Variants in LY6H observed in about 807,000 individuals in gnomAD.
LY6H encodes the protein lymphocyte antigen 6 family member H.
In LY6H, 8 loss-of-function variants were observed where a neutral mutation model predicts 14.6. The observed-to-expected ratio is 0.55, with a 90% CI of 0.32 to 0.99. LY6H has a LOEUF of 0.99. Among genes scored for constraint, LY6H ranks in the 50% least tolerant of loss-of-function variants. The pLI is 0.04. For missense variants in LY6H, 196 were observed against 219.6 expected, an observed-to-expected ratio of 0.89 and a Z score of 0.68; for synonymous variants, 115 against 97.2, an observed-to-expected ratio of 1.18 and a Z score of -1.08.
intron 3 of LY6H, 29 bp downstream of exon 3, chr8:143,158,774 A>G (rs1586673439): frequency 6.4e-7 from 1 of 1,559,690 alleles, no homozygotes; most frequent in South Asian, 1.2e-5. Flanking sequence ...CTTTTAGCAC[A>G]TTCCCCACCA....
Position 143,158,894 on chromosome 8 carries a change from G to A in LY6H, c.159C>T (p.Thr53=). The part of the protein sequence containing the change: ...PAHGLWCQDC[T]LTTNSSHCTP... ...TGCAATGGCTGGAGTTGGTGGTCAG[G>A]GTGCAGTCCTGGCACCACAGGCCAT... The change falls in exon 3 of 4, where the codon ACC becomes ACT. Residue 53 remains threonine (T), a synonymous_variant. Coordinates refer to ENST00000342752, the MANE Select transcript of LY6H (RefSeq NM_001135655.2). The A allele has an allele frequency of 6.2e-7, 1 of 1,613,644 alleles. No homozygotes were observed. Among genetic ancestry groups the A allele is most frequent in the Non-Finnish European group, 8.5e-7 (1 of 1,179,772 alleles).
rs763425167 is a variant in LY6H at position 143,160,151 on chromosome 8, C to T, written c.2+47G>A. The stretch of plus-strand genomic sequence containing the variant: ...TCCGCGCGCGCCTCGGCGCTCACCG[C>T]GGATGGGGCGTGGAGCGCGGGCCTC... On this transcript the variant is annotated intron_variant, in intron 1 of 3. Transcript: ENST00000342752. The T allele has an allele frequency of 9.5e-5, 120 of 1,266,636 alleles. No homozygotes were observed. The African/African-American group carries it at 1.7e-3, about 18-fold the overall frequency. 78.5% of individuals were successfully genotyped at this position (1,266,636 alleles called of 1,614,324 possible). A position where few individuals can be genotyped will look rare whatever the true frequency, so the allele number is the denominator to read the frequency against.
chr8:143,159,527 G>A (rs1815540964), intron 2 of LY6H, 55 bp downstream of exon 2: 1 of 1,438,782 alleles, frequency 7.0e-7, no homozygotes, highest in Non-Finnish European at 9.0e-7. Context: ...CGGCTCTCCC[G>A]CGGCGCCTCG....
chr8:143,160,046 G>A (rs975764450), intron 1 of LY6H, 152 bp downstream of exon 1: 4 of 981,984 alleles, frequency 4.1e-6, no homozygotes, highest in Non-Finnish European at 5.3e-6. Flanking sequence ...CCACTGGGGG[G>A]AGGGGCGCGT....
Position 143,160,286 on chromosome 8 carries a change from G to C in LY6H, c.-87C>G, listed in dbSNP as rs1306892891. On this transcript the variant is annotated 5_prime_UTR_variant, in exon 1 of 4. Coordinates refer to ENST00000342752, the MANE Select transcript of LY6H (RefSeq NM_001135655.2). ...GGTCTCCCTGCGGACCGGAATCCGG[G>C]CGCAGCCTCGTCTTTCGGGGAACGC... The C allele has an allele frequency of 1.8e-6, 2 of 1,126,726 alleles. No individual in the cohort carries two copies. The highest frequency in any genetic ancestry group is 7.4e-5 in the Admixed American group (2 of 26,952). The allele number at this position is 1,126,726 out of a possible 1,614,324, so 69.8% of individuals were successfully genotyped here.
chr8:143,159,700 G>T lies in LY6H; in HGVS notation c.12C>A (p.Pro4=). 1 of 1,379,752 alleles carries T rather than the reference G, an allele frequency of 7.2e-7. No homozygotes were observed. The highest frequency in any genetic ancestry group is 9.3e-7 in the Non-Finnish European group (1 of 1,076,080). 85.5% of individuals were successfully genotyped at this position (1,379,752 alleles called of 1,614,324 possible). A position where few individuals can be genotyped will look rare whatever the true frequency, so the allele number is the denominator to read the frequency against. ...GGGGGCTTGGGGCGCGGGTCCTCTGGGGCGCAAGCCTGGAGGGGAGAAGCA... is the reference window on the plus strand; with the variant it reads ...GGGGGCTTGGGGCGCGGGTCCTCTGTGGCGCAAGCCTGGAGGGGAGAAGCA... The part of the protein sequence containing the change: MLA[P]QRTRAPSPRA... Residue 4 remains proline, a synonymous_variant, in exon 2 of 4, where the codon CCC becomes CCA. Transcript: ENST00000342752.
At chr8:143,159,925 C>T in intron 1 of LY6H, 1 of 1,227,302 alleles carries the variant, frequency 8.1e-7, no homozygotes, top group Non-Finnish European at 1.0e-6. Flanking sequence ...GCCTCCGCCC[C>T]GCGCCGGCAC....
chr8:143,159,817 G>C, intron 1 of LY6H, 108 bp from the exon 2 acceptor site: 1 of 1,228,926 alleles, frequency 8.1e-7, no homozygotes, highest in Non-Finnish European at 1.0e-6. Flanking sequence ...CCCGGAGCTC[G>C]CAGAGCCCCA....
At chr8:143,159,397 G>C in intron 2 of LY6H, 185 bp downstream of exon 2, 1 of 660,434 alleles carries the variant, frequency 1.5e-6, no homozygotes, top group African/African-American at 1.9e-5. Context: ...GAGCGCTGGA[G>C]AGAGCCCAGT....
At chr8:143,159,213 GC>G (rs1815531521) in intron 2 of LY6H, 3 of 568,222 alleles carry the variant, frequency 5.3e-6, no homozygotes, top group Middle Eastern at 4.7e-4. Flanking sequence ...CACCGACAGT[GC>G]CCCCCTCACA....
Position 143,160,215 on chromosome 8 carries a change from A to G in LY6H, c.-16T>C, listed in dbSNP as rs557491324. On this transcript the variant is annotated 5_prime_UTR_variant, in exon 1 of 4. Coordinates refer to ENST00000342752, the MANE Select transcript of LY6H (RefSeq NM_001135655.2). The stretch of plus-strand genomic sequence containing the variant: ...TCACTCACATCCCGGGGGTGTCCGC[A>G]CTCCGGGCTCGGGCGGCGTGCGCGG... 5.5e-6 allele frequency: 7 copies of G among 1,281,656 alleles called. No homozygotes were observed. The Admixed American group carries it at 9.4e-5, about 17-fold the overall frequency. The allele number at this position is 1,281,656 out of a possible 1,614,324, so 79.4% of individuals were successfully genotyped here.
chr8:143,159,923 C>T, intron 1 of LY6H: 3 of 1,224,568 alleles, frequency 2.4e-6, no homozygotes, highest in Non-Finnish European at 2.0e-6. Flanking sequence ...ACGCCTCCGC[C>T]CCGCGCCGGC....
intron 2 of LY6H, 170 bp downstream of exon 2, chr8:143,159,412 G>A (rs1012745383): frequency 5.5e-6 from 4 of 727,762 alleles, no homozygotes; most frequent in East Asian, 3.3e-5. Context: ...CCCAGTGCCG[G>A]GGCAGAGGGG....
Position 143,159,595 on chromosome 8 carries a change from C to T in LY6H, c.117G>A (p.Leu39=). The stretch of plus-strand genomic sequence containing the variant: ...CCCCCTACTCACCGGGCGCCGAGCA[C>T]AGCAGGACGGCCAGCAGCGCCAGGC... ...GLGLALLAVL[L]CSAPAHGLWC... The change falls in exon 2 of 4, where the codon CTG becomes CTA. Residue 39 remains leucine (L), a synonymous_variant. Transcript: ENST00000342752. 1 of 1,500,500 alleles carries T rather than the reference C, an allele frequency of 6.7e-7. No homozygotes were observed. 92.9% of individuals were successfully genotyped at this position (1,500,500 alleles called of 1,614,324 possible).
At chr8:143,158,746 C>G in intron 3 of LY6H, 57 bp downstream of exon 3, 1 of 1,548,556 alleles carries the variant, frequency 6.5e-7, no homozygotes. Flanking sequence ...ACACCTCTGA[C>G]CTCTCTCAAG....
chr8:143,158,920 G>C lies in LY6H; in HGVS notation c.133C>G (p.His45Asp). ...LAVLLCSAPAHGLWCQDCTLT... is the reference protein window; with the variant it reads ...LAVLLCSAPADGLWCQDCTLT... ...GTGCAGTCCTGGCACCACAGGCCAT[G>C]AGCTGGGCAGGGCATGGGGAGGAGG... Residue 45 changes from histidine (H) to aspartate (D), a missense_variant and splice_region_variant, in exon 3 of 4, where the codon CAT becomes GAT. His to Asp is a moderately conservative substitution (Grantham distance 81). Coordinates refer to ENST00000342752, the MANE Select transcript of LY6H (RefSeq NM_001135655.2). 6.2e-7 allele frequency: 1 copy of C among 1,613,706 alleles called. No individual in the cohort carries two copies. The highest frequency in any genetic ancestry group is 8.5e-7 in the Non-Finnish European group (1 of 1,179,958).
At position 143,158,092 on chromosome 8, in the gene LY6H, G is replaced by A. The variant is rs1272361783; in HGVS notation, c.*158C>T. 3.3e-6 allele frequency: 2 copies of A among 599,868 alleles called. No individual in the cohort carries two copies. The highest frequency in any genetic ancestry group is 2.8e-5 in the East Asian group (1 of 35,610). The allele number at this position is 599,868 out of a possible 1,614,324, so 37.2% of individuals were successfully genotyped here. ...GCCTGGGACTCAGAGCTGGCGGAGA[G>A]ACAGGGAGGCTTCACGTCGGGGGAG... On this transcript the variant is annotated 3_prime_UTR_variant, in exon 4 of 4. Transcript: ENST00000342752.
At chr8:143,159,936 C>T in intron 1 of LY6H, 8 of 1,240,710 alleles carry the variant, frequency 6.4e-6, no homozygotes, top group Non-Finnish European at 8.1e-6. Context: ...GCGCCGGCAC[C>T]TGTGTGGGGG....
Position 143,158,112 on chromosome 8 carries a change from G to C in LY6H, c.*138C>G, listed in dbSNP as rs1213244984. 2.3e-5 allele frequency: 14 copies of C among 616,160 alleles called. No homozygotes were observed. The highest frequency in any genetic ancestry group is 4.0e-5 in the Non-Finnish European group (14 of 349,184). 38.2% of individuals were successfully genotyped at this position (616,160 alleles called of 1,614,324 possible). On this transcript the variant is annotated 3_prime_UTR_variant, in exon 4 of 4. Coordinates refer to ENST00000342752, the MANE Select transcript of LY6H (RefSeq NM_001135655.2). ...GGAGAGACAGGGAGGCTTCACGTCG[G>C]GGGAGGAGTGAGAGCCACAGGCCAC...
Sources: gnomAD v4.1 joint callset for allele counts on GRCh38, gnomAD v4.1.1 for gene constraint, MANE v1.5 for transcripts, NCBI Gene and HGNC (gene_info 2026-07-23, HGNC 2026-07-21) for gene names.